The following UBE2E2 variants were observed in gnomAD, a reference collection of about 807,000 sequenced individuals.
UBE2E2 encodes the protein ubiquitin-conjugating enzyme E2 E2.
In UBE2E2, 6 loss-of-function variants were observed where a neutral mutation model predicts 24.7. That is an observed-to-expected ratio of 0.24 (90% CI 0.13 to 0.48). The LOEUF (loss-of-function observed/expected upper bound fraction) is 0.48, where lower values mean the gene tolerates loss of function less well. UBE2E2 is among the 20% of genes least tolerant of loss of function. The pLI, the probability that UBE2E2 is intolerant of heterozygous loss-of-function variation, is 0.99. For missense variants in UBE2E2, 169 were observed against 245.0 expected, an observed-to-expected ratio of 0.69 and a Z score of 2.07; for synonymous variants, 104 against 83.6, an observed-to-expected ratio of 1.24 and a Z score of -1.33.
chr3:23,328,515 T>G (rs1007773971), intron 3 of UBE2E2, among the ~76,000 whole-genome samples: 11 of 152,230 alleles, frequency 7.2e-5, no homozygotes, highest in African/African-American at 2.7e-4. Context: ...AGGGTAAAGC[T>G]ATGATGTTTT....
Position 23,382,750 on chromosome 3 carries a change from A to G in UBE2E2, c.228-116858A>G, listed in dbSNP as rs561082157. Among the ~76,000 whole-genome samples, 3 of 152,342 alleles carry G rather than the reference A, an allele frequency of 2.0e-5. No homozygotes were observed. In the East Asian group the frequency reaches 5.8e-4, roughly 29 times the overall value. ...GTTTGAATACCATTTAGGCTTATCA[A>G]TACAAGGAAATATTACTCCTTAAAC... On this transcript the variant is annotated intron_variant, in intron 3 of 5. Coordinates refer to ENST00000396703, the MANE Select transcript of UBE2E2 (RefSeq NM_152653.4).
Position 23,589,847 on chromosome 3 carries a change from C to T in UBE2E2, c.*16C>T, listed in dbSNP as rs373887764. 477 of 1,613,552 alleles carry T rather than the reference C, an allele frequency of 3.0e-4. 1 individual carries two copies. Among genetic ancestry groups the T allele is most frequent in the Middle Eastern group, 1.2e-3 (7 of 6,034 alleles). On this transcript the variant is annotated 3_prime_UTR_variant, in exon 6 of 6. Transcript: ENST00000396703. This position sits in a 1 kb window ranked among gnomAD's most constrained non-coding sequence, Gnocchi z 4.1. Reference sequence around the variant, plus strand: ...CGCCACATAGGGGCCTGCTGCCTGCCGCCCCGCGGGACCTGTGCAAGCACA... The same window carrying T: ...CGCCACATAGGGGCCTGCTGCCTGCTGCCCCGCGGGACCTGTGCAAGCACA...
intron 3 of UBE2E2, among the ~76,000 whole-genome samples, chr3:23,332,824 G>A (rs768803354): frequency 1.3e-5 from 2 of 152,062 alleles, no homozygotes; most frequent in Non-Finnish European, 1.5e-5. Flanking sequence ...CCAACCAAAT[G>A]TGTGTCACTA....
At chr3:23,301,463 G>T (rs977553479) in intron 3 of UBE2E2, among the ~76,000 whole-genome samples, 2 of 152,152 alleles carry the variant, frequency 1.3e-5, no homozygotes, top group Admixed American at 1.3e-4. Context: ...GGTTTTTGGT[G>T]TGGATGTCCT....
chr3:23,217,161 T>C, intron 2 of UBE2E2, 101 bp from the exon 3 acceptor site: 1 of 1,135,346 alleles, frequency 8.8e-7, no homozygotes, highest in Admixed American at 2.0e-5. Context: ...TTCAAACTAA[T>C]ATACCAAAGG....
chr3:23,353,230 G>C (rs571800149), intron 3 of UBE2E2, among the ~76,000 whole-genome samples: 1 of 151,882 alleles, frequency 6.6e-6, no homozygotes, highest in Non-Finnish European at 1.5e-5. Context: ...TTGATGGGAC[G>C]TATCTCCAAA....
chr3:23,225,880 T>TTTTTTG (rs1696807028), intron 3 of UBE2E2, among the ~76,000 whole-genome samples: 1 of 152,076 alleles, frequency 6.6e-6, no homozygotes, highest in Non-Finnish European at 1.5e-5. Flanking sequence ...AGTGTTTTTT[T>TTTTTTG]TTTTTGTTTT....
chr3:23,533,717 G>T (rs1421948826), intron 5 of UBE2E2, among the ~76,000 whole-genome samples: 2 of 145,422 alleles, frequency 1.4e-5, no homozygotes, highest in Non-Finnish European at 3.0e-5. Flanking sequence ...CCGCCTCCTG[G>T]ATTCAAGCGA....
intron 3 of UBE2E2, among the ~76,000 whole-genome samples, chr3:23,338,507 A>G (rs918935436): frequency 6.6e-6 from 1 of 152,200 alleles, no homozygotes; most frequent in Non-Finnish European, 1.5e-5. Context: ...CAGTGACATC[A>G]TAGCTCCAGT....
chr3:23,440,205 C>T (rs780459254), intron 3 of UBE2E2, among the ~76,000 whole-genome samples: 6 of 151,946 alleles, frequency 3.9e-5, no homozygotes, highest in Non-Finnish European at 8.8e-5. Context: ...ACTCAGGGGT[C>T]GGAGGTTGCA....
At chr3:23,301,082 C>T (rs1699069511) in intron 3 of UBE2E2, among the ~76,000 whole-genome samples, 1 of 152,190 alleles carries the variant, frequency 6.6e-6, no homozygotes, top group Admixed American at 6.5e-5. Flanking sequence ...ACATTGGCTC[C>T]TGAGTCTTCT....
At chr3:23,251,221 TGCTTGTGTGCAA>T (rs1254584092) in intron 3 of UBE2E2, among the ~76,000 whole-genome samples, 1 of 152,188 alleles carries the variant, frequency 6.6e-6, no homozygotes, top group East Asian at 1.9e-4. Context: ...TCAGTAAACT[TGCTTGTGTGCAA>T]GCTTGTGTGG....
Position 23,532,558 on chromosome 3 carries a change from C to A in UBE2E2, c.365C>A (p.Thr122Asn). Residue 122 changes from threonine (T) to asparagine (N), a missense_variant, in exon 5 of 6, where the codon ACC (threonine) becomes AAC (asparagine). Thr to Asn is a moderately conservative substitution (Grantham distance 65, BLOSUM62 0). Transcript: ENST00000396703. ...PDYPFKPPKV[T>N]FRTRIYHCNI... ...TAACTTTACATTTTCTTGTAGGTTA[C>A]CTTCCGAACAAGAATCTATCACTGT... The A allele has an allele frequency of 6.6e-7, 1 of 1,515,260 alleles. No individual in the cohort carries two copies. The allele number at this position is 1,515,260 out of a possible 1,614,324, so 93.9% of individuals were successfully genotyped here. A position where few individuals can be genotyped will look rare whatever the true frequency, so the allele number is the denominator to read the frequency against.
chr3:23,204,340 T>A (rs1696068887), intron 1 of UBE2E2, among the ~76,000 whole-genome samples: 1 of 152,174 alleles, frequency 6.6e-6, no homozygotes, highest in African/African-American at 2.4e-5. Flanking sequence ...TCGGTGGCTG[T>A]TAGACCCATT....
intron 3 of UBE2E2, among the ~76,000 whole-genome samples, chr3:23,231,399 G>A (rs570176670): frequency 3.3e-5 from 5 of 152,162 alleles, no homozygotes; most frequent in Non-Finnish European, 7.3e-5. Flanking sequence ...GAATAAATGA[G>A]TCTGGTTTGA....
At chr3:23,410,062 A>G (rs1482052365) in intron 3 of UBE2E2, among the ~76,000 whole-genome samples, 1 of 152,158 alleles carries the variant, frequency 6.6e-6, no homozygotes, top group Non-Finnish European at 1.5e-5. Context: ...AGACTTGAAC[A>G]TATCTTTTTG....
At chr3:23,437,960 A>G (rs191658921) in intron 3 of UBE2E2, among the ~76,000 whole-genome samples, 15 of 152,340 alleles carry the variant, frequency 9.8e-5, no homozygotes, top group Admixed American at 8.5e-4. Context: ...CACAGTGACT[A>G]CAAAGATCAG....
chr3:23,260,031 T>A (rs1559460275), intron 3 of UBE2E2, among the ~76,000 whole-genome samples: 1 of 152,216 alleles, frequency 6.6e-6, no homozygotes, highest in African/African-American at 2.4e-5. Flanking sequence ...TAAAATAGAG[T>A]TTAATCTGAC....
At chr3:23,400,641 C>CACACACACAT (rs954347007) in intron 3 of UBE2E2, among the ~76,000 whole-genome samples, 5 of 150,028 alleles carry the variant, frequency 3.3e-5, no homozygotes, top group Admixed American at 2.7e-4. Context: ...CACACACACA[C>CACACACACAT]ATCTCAGGCC....
Sources: allele counts gnomAD v4.1 joint callset (sites outside exome capture counted in the v4.1 genomes callset), GRCh38; gene constraint gnomAD v4.1.1; non-coding constraint Gnocchi (gnomAD v3.1); transcripts MANE v1.5; gene names NCBI Gene and HGNC (gene_info 2026-07-23, HGNC 2026-07-21).